CPZ: variants seen among roughly 807,000 people sequenced by gnomAD.
CPZ encodes the protein VEZT/CPZ fusion.
A neutral mutation model predicts 61.8 loss-of-function variants in CPZ; 103 were observed. The ratio of observed to expected loss-of-function variants is 1.67; its 90% CI spans 1.42 to 1.96. The LOEUF (loss-of-function observed/expected upper bound fraction) is 1.96, where lower values mean the gene tolerates loss of function less well. Ranked by LOEUF, CPZ falls within the 30% of genes most tolerant of loss-of-function variation. The probability of loss-of-function intolerance (pLI) is 0.00; values close to 1 mark genes in which losing one functional copy is unlikely to be tolerated. For missense variants in CPZ, 1,461 were observed against 914.9 expected, an observed-to-expected ratio of 1.60 and a Z score of -7.70; for synonymous variants, 551 against 373.7, an observed-to-expected ratio of 1.47 and a Z score of -5.47.
At chr4:8,597,161 G>A (rs182025989) in intron 1 of CPZ, among the ~76,000 whole-genome samples, 1 of 152,278 alleles carries the variant, frequency 6.6e-6, no homozygotes, top group African/African-American at 2.4e-5. Context: ...TGCAAACCCT[G>A]CTGCCAGAGT....
intron 8 of CPZ, among the ~76,000 whole-genome samples, chr4:8,613,967 G>A (rs1341243737): frequency 1.3e-5 from 2 of 152,220 alleles, no homozygotes; most frequent in East Asian, 1.9e-4. Context: ...GTTAGAAACC[G>A]ATTCATCCCT....
Position 8,599,497 on chromosome 4 carries a change from G to A in CPZ, c.121+12G>A, listed in dbSNP as rs1445517900. ...AGCTGCAGACAGCGGTACAGTACCG[G>A]GACCTCCCTGGCTTCTGTTCTGTAG... On this transcript the variant is annotated intron_variant, in intron 2 of 10. Transcript: ENST00000360986. 1 of 1,613,644 alleles carries A rather than the reference G, an allele frequency of 6.2e-7. No individual in the cohort carries two copies. Among genetic ancestry groups the A allele is most frequent in the East Asian group, 2.2e-5 (1 of 44,858 alleles).
intron 7 of CPZ, among the ~76,000 whole-genome samples, chr4:8,609,019 A>G (rs1009118731): frequency 1.6e-4 from 8 of 50,248 alleles, no homozygotes; most frequent in Non-Finnish European, 2.9e-4. Flanking sequence ...TCATTCATTA[A>G]CTCACTCCTT....
chr4:8,606,447 C>T (rs1008315105), intron 5 of CPZ, among the ~76,000 whole-genome samples: 5 of 151,572 alleles, frequency 3.3e-5, no homozygotes, highest in South Asian at 2.1e-4. Context: ...TGTGTGTCAG[C>T]GGGGGGTCAG....
At chr4:8,608,441 G>C (rs868530687) in intron 7 of CPZ, among the ~76,000 whole-genome samples, 2 of 152,198 alleles carry the variant, frequency 1.3e-5, no homozygotes, top group African/African-American at 4.8e-5. Flanking sequence ...GAGGCCACCC[G>C]GCCGAGCACA....
intron 7 of CPZ, among the ~76,000 whole-genome samples, chr4:8,609,127 T>TTCAC (rs74218813): frequency 0.74 from 103,520 of 139,280 alleles, 37,845 homozygotes; most frequent in East Asian, 0.91. Context: ...CCCTCACTCA[T>TTCAC]TCACTCATTT....
chr4:8,619,661 C>T lies in CPZ; in HGVS notation c.*44C>T. On this transcript the variant is annotated 3_prime_UTR_variant, in exon 11 of 11. Transcript: ENST00000360986. The stretch of plus-strand genomic sequence containing the variant: ...CCAGGATGTGGAGACCGAGGCCCAT[C>T]TCCGCATCCCGGGCTCCTGGCTCTT... The T allele has an allele frequency of 7.9e-6, 11 of 1,386,998 alleles. No individual in the cohort carries two copies. The highest frequency in any genetic ancestry group is 1.5e-5 in the African/African-American group (1 of 68,634). The allele number at this position is 1,386,998 out of a possible 1,614,324, so 85.9% of individuals were successfully genotyped here. A position where few individuals can be genotyped will look rare whatever the true frequency, so the allele number is the denominator to read the frequency against.
In CPZ at chr4:8,612,144, T is replaced by C. The variant is rs150608392; in HGVS notation, c.1345T>C (p.Trp449Arg). Residue 449 changes from tryptophan to arginine, a missense_variant, in exon 8 of 11, where the codon TGG becomes CGG. Physicochemically the swap from Trp to Arg is moderately radical, Grantham distance 101 (BLOSUM62 -3). Transcript: ENST00000360986. ...GGGGAGCATCATCAACGGGGCGGAC[T>C]GGTACAGCTTCACGGGAGGTGCGGC... The part of the protein sequence containing the change: ...KRGSIINGAD[W>R]YSFTGGMSDF... 3 of 1,500,662 alleles carry C rather than the reference T, an allele frequency of 2.0e-6. No individual in the cohort carries two copies. The Admixed American group carries it at 6.0e-5, about 30-fold the overall frequency. 93.0% of individuals were successfully genotyped at this position (1,500,662 alleles called of 1,614,324 possible).
chr4:8,595,862 C>G (rs936870980), intron 1 of CPZ, among the ~76,000 whole-genome samples: 9 of 152,166 alleles, frequency 5.9e-5, no homozygotes, highest in African/African-American at 2.2e-4. Context: ...TGGGCAGAGA[C>G]AGACACAGGG....
rs936692483 is a variant in CPZ, at chr4:8,618,314, G to A, written c.1504-115G>A. 1.8e-5 allele frequency: 16 copies of A among 889,416 alleles called. No individual in the cohort carries two copies. In the Admixed American group the frequency reaches 1.8e-4, roughly 10 times the overall value. 55.1% of individuals were successfully genotyped at this position (889,416 alleles called of 1,614,324 possible). On this transcript the variant is annotated intron_variant, in intron 9 of 10. Coordinates refer to ENST00000360986, the MANE Select transcript of CPZ (RefSeq NM_001014447.3). Reference sequence around the variant, plus strand: ...AGGGCTGGCAGAGTGGGGCTCTGTGGGGTAGTTCCCCCTAGATACCAAGCT... The same window carrying A: ...AGGGCTGGCAGAGTGGGGCTCTGTGAGGTAGTTCCCCCTAGATACCAAGCT...
At chr4:8,618,590 C>T in intron 10 of CPZ, 62 bp downstream of exon 10, 2 of 1,505,582 alleles carry the variant, frequency 1.3e-6, no homozygotes, top group South Asian at 1.2e-5. Context: ...CACACCGTGG[C>T]AGCCGGCACC....
At chr4:8,617,898 T>C (rs1716322223) in intron 9 of CPZ, among the ~76,000 whole-genome samples, 1 of 152,086 alleles carries the variant, frequency 6.6e-6, no homozygotes, top group East Asian at 1.9e-4. Flanking sequence ...TGCAGGGAGC[T>C]TGTGTGTTCA....
intron 9 of CPZ, among the ~76,000 whole-genome samples, chr4:8,615,061 G>A (rs1488841961): frequency 6.6e-6 from 1 of 152,026 alleles, no homozygotes; most frequent in Non-Finnish European, 1.5e-5. Context: ...GGGTAGCTGT[G>A]TGGTTCAGGC....
intron 8 of CPZ, among the ~76,000 whole-genome samples, chr4:8,614,117 G>T (rs1449032699): frequency 6.6e-6 from 1 of 152,254 alleles, no homozygotes; most frequent in South Asian, 2.1e-4. Context: ...TCTGCAAAGT[G>T]GGGATCATAT....
At position 8,619,472 on chromosome 4, in the gene CPZ, G is replaced by A; in HGVS notation, c.1814G>A (p.Gly605Glu). ...AGGACTGGGCCCCACGACCCACTGGGAGGTGCCAGCTCTTTGGGGGAGGCC... is the reference window on the plus strand; with the variant it reads ...AGGACTGGGCCCCACGACCCACTGGAAGGTGCCAGCTCTTTGGGGGAGGCC... Reference protein sequence around the residue: ...LRRTGPHDPLGGASSLGEATE... With the variant: ...LRRTGPHDPLEGASSLGEATE... Residue 605 changes from glycine (G) to glutamate (E), a missense_variant, in exon 11 of 11, where the codon GGA becomes GAA. Transcript: ENST00000360986. The A allele has an allele frequency of 5.0e-6, 8 of 1,610,264 alleles. No individual in the cohort carries two copies. The highest frequency in any genetic ancestry group is 6.8e-6 in the Non-Finnish European group (8 of 1,177,486).
At chr4:8,617,135 CGT>C (rs1560304758) in intron 9 of CPZ, among the ~76,000 whole-genome samples, 1 of 152,068 alleles carries the variant, frequency 6.6e-6, no homozygotes, top group East Asian at 1.9e-4. Flanking sequence ...TCACGGGCCG[CGT>C]GTGTCAGGCC....
In CPZ at chr4:8,601,152, T is replaced by C. The variant is rs1714546701; in HGVS notation, c.151T>C (p.Cys51Arg). The change falls in exon 3 of 11, where the codon TGC becomes CGC. Residue 51 changes from cysteine to arginine, a missense_variant. By Grantham distance (180) the Cys-to-Arg change is radical. Coordinates refer to ENST00000360986, the MANE Select transcript of CPZ (RefSeq NM_001014447.3). ...ATCVDLQLRT[C>R]SDAAYNHTTF... ...CTGCGTGGACCTGCAGCTCAGGACC[T>C]GCAGCGATGCCGCCTACAACCACAC... 2 of 1,592,334 alleles carry C rather than the reference T, an allele frequency of 1.3e-6. No individual in the cohort carries two copies. Among genetic ancestry groups the C allele is most frequent in the Non-Finnish European group, 1.7e-6 (2 of 1,165,422 alleles).
chr4:8,594,803 C>T (rs2109309089), intron 1 of CPZ, among the ~76,000 whole-genome samples: 1 of 150,074 alleles, frequency 6.7e-6, no homozygotes, highest in Middle Eastern at 3.5e-3. Context: ...GATGGAGTCT[C>T]ACTCTGTCGC....
chr4:8,614,736 G>A (rs891952170), intron 9 of CPZ, among the ~76,000 whole-genome samples: 2 of 152,192 alleles, frequency 1.3e-5, no homozygotes, highest in African/African-American at 4.8e-5. Context: ...GTCCCTGTGA[G>A]CAAGGATGTT....
Sources: gnomAD v4.1 joint callset for allele counts (sites outside exome capture counted in the v4.1 genomes callset) on GRCh38, gnomAD v4.1.1 for gene constraint, MANE v1.5 for transcripts, NCBI Gene and HGNC (gene_info 2026-07-23, HGNC 2026-07-21) for gene names.